ACSBG1: variants seen among roughly 807,000 people sequenced by gnomAD.
ACSBG1 encodes the protein acyl-CoA synthetase bubblegum family member 1, also known as long-chain-fatty-acid--CoA ligase ACSBG1.
A neutral mutation model predicts 80.2 loss-of-function variants in ACSBG1; 39 were observed. The ratio of observed to expected loss-of-function variants is 0.49; its 90% confidence interval spans 0.38 to 0.64. ACSBG1 has a LOEUF of 0.64. Ranked by LOEUF, ACSBG1 falls within the 30% of genes least tolerant of loss-of-function variation. The pLI, the probability that ACSBG1 is intolerant of heterozygous loss-of-function variation, is 0.00. For missense variants in ACSBG1, 828 were observed against 966.4 expected (o/e 0.86, Z 1.90); for synonymous variants, 392 against 379.5 (o/e 1.03, Z -0.38).
At position 78,191,595 on chromosome 15, in the gene ACSBG1, C is replaced by A. The variant is rs2075057283; in HGVS notation, c.663+1911G>T. ...AAGTTCTTTCTTTGGAGAATTCCAG[C>A]CAATGAATTAGAAATTCAACATTTT... On this transcript the variant is annotated intron_variant, in intron 5 of 13. Transcript: ENST00000258873. 2.0e-5 allele frequency among the ~76,000 whole-genome samples: 3 copies of A among 152,140 alleles called. No homozygotes were observed. The South Asian group carries it at 6.2e-4, about 32-fold the overall frequency.
chr15:78,225,527 T>C (rs183464238), intron 1 of ACSBG1, among the ~76,000 whole-genome samples: 10 of 152,256 alleles, frequency 6.6e-5, no homozygotes, highest in African/African-American at 2.4e-4. Flanking sequence ...GCAAGATACC[T>C]ACACTGAAAG....
rs545605685 is a variant in ACSBG1 at position 78,213,277 on chromosome 15, C to T, written c.132-5175G>A. ...CCATCACCCTGCGTGGCGGACCCCA[C>T]GCCCCCTGCTTCTCTTTAGTCTGCA... On this transcript the variant is annotated intron_variant, in intron 1 of 13. Coordinates refer to ENST00000258873, the MANE Select transcript of ACSBG1 (RefSeq NM_015162.5). Among the ~76,000 whole-genome samples, 79 of 152,336 alleles carry T rather than the reference C, an allele frequency of 5.2e-4. 1 individual carries two copies. The highest frequency in any genetic ancestry group is 1.8e-3 in the African/African-American group (73 of 41,576).
intron 2 of ACSBG1, among the ~76,000 whole-genome samples, chr15:78,205,955 G>A (rs2075209856): frequency 1.3e-5 from 2 of 152,294 alleles, no homozygotes; most frequent in South Asian, 4.1e-4. Flanking sequence ...TCCAGGCCTG[G>A]CACGCGGTGG....
At chr15:78,207,925 A>ACCCCCCCC in intron 2 of ACSBG1, 77 bp downstream of exon 2, 19 of 454,968 alleles carry the variant, frequency 4.2e-5, no homozygotes, top group Non-Finnish European at 6.9e-5. Flanking sequence ...GGTCCCCCAC[A>ACCCCCCCC]CCACCCACCC....
At chr15:78,193,908 C>A (rs762627458) in intron 4 of ACSBG1, 24 bp downstream of exon 4, 6 of 1,612,618 alleles carry the variant, frequency 3.7e-6, no homozygotes, top group Non-Finnish European at 4.2e-6. Context: ...CCCTGGAGAC[C>A]CCGTCCCTGC....
intron 1 of ACSBG1, among the ~76,000 whole-genome samples, chr15:78,233,068 G>A (rs750469224): frequency 2.0e-5 from 3 of 152,196 alleles, no homozygotes; most frequent in African/African-American, 7.2e-5. Flanking sequence ...GAGGGGAGGT[G>A]CCAGGACACC....
chr15:78,208,945 C>T (rs959454720), intron 1 of ACSBG1, among the ~76,000 whole-genome samples: 1 of 152,224 alleles, frequency 6.6e-6, no homozygotes, highest in African/African-American at 2.4e-5. Context: ...AGGACTGCAA[C>T]AGGATTATAG....
intron 1 of ACSBG1, among the ~76,000 whole-genome samples, chr15:78,227,829 C>T (rs1343900341): frequency 2.0e-5 from 3 of 152,218 alleles, no homozygotes; most frequent in African/African-American, 7.2e-5. Flanking sequence ...TACTGAGACA[C>T]TTGGCAATAC....
chr15:78,176,917 G>C (rs1270344312), intron 11 of ACSBG1, among the ~76,000 whole-genome samples: 2 of 152,134 alleles, frequency 1.3e-5, no homozygotes, highest in Non-Finnish European at 2.9e-5. Flanking sequence ...AACAAAGCGA[G>C]ACCCTGTTTC....
Position 78,208,018 on chromosome 15 carries a change from G to A in ACSBG1, c.216C>T (p.Ala72=). 6.2e-7 allele frequency: 1 copy of A among 1,613,662 alleles called. No homozygotes were observed. The highest frequency in any genetic ancestry group is 8.5e-7 in the Non-Finnish European group (1 of 1,179,838). Residue 72 remains alanine (A), a synonymous_variant, in exon 2 of 14, where the codon GCC becomes GCT. Transcript: ENST00000258873. ...ELSVPEKVNN[A]QWDAPEEALW... ...CTGGCTTACCTGGAGCATCCCACTG[G>A]GCATTATTCACCTTCTCTGGCACTG... is the stretch of plus-strand genomic sequence containing the variant.
At chr15:78,232,835 C>T (rs892908609) in intron 1 of ACSBG1, among the ~76,000 whole-genome samples, 1 of 152,152 alleles carries the variant, frequency 6.6e-6, no homozygotes, top group Admixed American at 6.5e-5. Flanking sequence ...CAGGCACGTA[C>T]CACCACCTGG....
intron 5 of ACSBG1, among the ~76,000 whole-genome samples, chr15:78,184,972 AG>A (rs762657280): frequency 3.3e-5 from 5 of 150,260 alleles, no homozygotes; most frequent in Non-Finnish European, 7.4e-5. Flanking sequence ...CTTTCTGCCC[AG>A]GGGCAATTTT....
chr15:78,197,948 T>C (rs965377918), intron 2 of ACSBG1, among the ~76,000 whole-genome samples: 8 of 152,148 alleles, frequency 5.3e-5, no homozygotes, highest in African/African-American at 1.7e-4. Context: ...TGTATTCACC[T>C]GTTCACCCAG....
chr15:78,209,278 C>A, intron 1 of ACSBG1: 1 of 455,568 alleles, frequency 2.2e-6, no homozygotes, highest in Non-Finnish European at 4.4e-6. Flanking sequence ...CGAAAGATAT[C>A]AGAAGGTTAT....
intron 1 of ACSBG1, among the ~76,000 whole-genome samples, chr15:78,219,709 G>A (rs190981895): frequency 3.3e-5 from 5 of 152,168 alleles, no homozygotes; most frequent in African/African-American, 1.2e-4. Flanking sequence ...ACCTGGCCGG[G>A]CGCGGTGGCT....
intron 5 of ACSBG1, among the ~76,000 whole-genome samples, chr15:78,191,779 C>T (rs145047434): frequency 4.3e-4 from 65 of 152,284 alleles, no homozygotes; most frequent in Non-Finnish European, 7.6e-4. Context: ...CATCATGTGC[C>T]TCTTGAGGCG....
At chr15:78,224,634 T>C (rs999668468) in intron 1 of ACSBG1, among the ~76,000 whole-genome samples, 2 of 151,918 alleles carry the variant, frequency 1.3e-5, no homozygotes, top group African/African-American at 4.8e-5. Context: ...GGCAGGAGAA[T>C]GGCATGAACC....
chr15:78,191,830 A>T (rs2075059607), intron 5 of ACSBG1, among the ~76,000 whole-genome samples: 1 of 152,116 alleles, frequency 6.6e-6, no homozygotes, highest in East Asian at 1.9e-4. Context: ...GGGGTGACAT[A>T]ATGATTTAAA....
intron 1 of ACSBG1, among the ~76,000 whole-genome samples, chr15:78,225,834 C>T (rs2075396012): frequency 6.6e-6 from 1 of 152,164 alleles, no homozygotes; most frequent in Admixed American, 6.5e-5. Flanking sequence ...CATGGGCTAG[C>T]TCTGGCTCAA....
Sources: allele counts gnomAD v4.1 joint callset (sites outside exome capture counted in the v4.1 genomes callset), GRCh38; gene constraint gnomAD v4.1.1; transcripts MANE v1.5; gene names NCBI Gene and HGNC (gene_info 2026-07-23, HGNC 2026-07-21).